The following ATG2B variants were observed in gnomAD, a reference collection of about 807,000 sequenced individuals.
ATG2B encodes autophagy-related protein 2 homolog B.
Under a neutral mutation model 241.3 loss-of-function variants are expected in ATG2B, and 121 were observed. The ratio of observed to expected loss-of-function variants is 0.50; its 90% confidence interval spans 0.43 to 0.58. ATG2B has a LOEUF of 0.58. Among genes scored for constraint, ATG2B ranks in the 20% least tolerant of loss-of-function variants. The pLI, the probability that ATG2B is intolerant of heterozygous loss-of-function variation, is 0.00. For missense variants in ATG2B, 2,306 were observed against 2,491.6 expected, an observed-to-expected ratio of 0.93 and a Z score of 1.59; for synonymous variants, 858 against 876.6, an observed-to-expected ratio of 0.98 and a Z score of 0.37.
chr14:96,332,252 G>T, intron 10 of ATG2B, 53 bp downstream of exon 10: 1 of 1,391,998 alleles, frequency 7.2e-7, no homozygotes, highest in Non-Finnish European at 1.0e-6. Flanking sequence ...CAGTAGAATG[G>T]CATTTTAAAA....
At chr14:96,320,453 C>T (rs79986740) in intron 18 of ATG2B, among the ~76,000 whole-genome samples, 1,707 of 151,148 alleles carry the variant, frequency 0.011, 31 homozygotes, top group African/African-American at 0.039. Context: ...GAACTAAAAA[C>T]GGTAGACAAT....
chr14:96,322,622 T>TGA lies in ATG2B; in HGVS notation c.2652_2653dup (p.His885LeufsTer4), dbSNP rs1224168522. On this transcript the variant is annotated frameshift_variant, in exon 17 of 42. Transcript: ENST00000359933. LOFTEE classifies it high-confidence loss of function. ...TAGATCACAAACATCTTTCAAGGAA[T>TGA]GAGCACCTCCTTCCTCTTCCTCCTG... The TGA allele has an allele frequency of 6.2e-7, 1 of 1,613,534 alleles. No homozygotes were observed. The highest frequency in any genetic ancestry group is 1.1e-5 in the South Asian group (1 of 91,066).
intron 34 of ATG2B, among the ~76,000 whole-genome samples, chr14:96,296,197 A>C (rs928321196): frequency 2.0e-5 from 3 of 152,210 alleles, no homozygotes; most frequent in African/African-American, 7.2e-5. Flanking sequence ...AAATGACTTA[A>C]CTTCTGCTTT....
chr14:96,291,004 T>A, intron 38 of ATG2B, 69 bp from the exon 39 acceptor site: 1 of 1,361,010 alleles, frequency 7.3e-7, no homozygotes, highest in African/African-American at 1.5e-5. Context: ...GTTTGAGGGT[T>A]TTTTTTTACT....
chr14:96,348,846 T>C (rs1888239809), intron 1 of ATG2B, among the ~76,000 whole-genome samples: 1 of 152,172 alleles, frequency 6.6e-6, no homozygotes, highest in African/African-American at 2.4e-5. Context: ...TTATTAGGCA[T>C]TGTATGCCTG....
At chr14:96,343,875 CTG>C (rs1281519338) in intron 4 of ATG2B, among the ~76,000 whole-genome samples, 1 of 152,198 alleles carries the variant, frequency 6.6e-6, no homozygotes, top group Non-Finnish European at 1.5e-5. Flanking sequence ...CTAACAATAA[CTG>C]TTTTACTAAT....
chr14:96,280,933 T>A lies in ATG2B; in HGVS notation c.*4822A>T, dbSNP rs550907051. ...TAAGTATGTCTTTTAAATATTCCCTTCATAAGTAAAAATACTCCTCCAAAT... is the reference window on the plus strand; with the variant it reads ...TAAGTATGTCTTTTAAATATTCCCTACATAAGTAAAAATACTCCTCCAAAT... On this transcript the variant is annotated 3_prime_UTR_variant, in exon 42 of 42. Transcript: ENST00000359933. 3 of 152,266 alleles carry A rather than the reference T, an allele frequency of 2.0e-5. No homozygotes were observed. The highest frequency in any genetic ancestry group is 7.2e-5 in the African/African-American group (3 of 41,536). The allele number at this position is 152,266 out of a possible 1,614,324, so 9.4% of individuals were successfully genotyped here. A position where few individuals can be genotyped will look rare whatever the true frequency, so the allele number is the denominator to read the frequency against.
chr14:96,318,801 TCTAGTAAACCCATCGTAAGATC>T, intron 18 of ATG2B, among the ~76,000 whole-genome samples: 1 of 152,240 alleles, frequency 6.6e-6, no homozygotes, highest in East Asian at 1.9e-4. Flanking sequence ...CACCACGTCT[TCTAGTAAACCCATCGTAAGATC>T]TGGACCCACA....
chr14:96,312,406 T>G (rs999239040), intron 25 of ATG2B, among the ~76,000 whole-genome samples: 10 of 152,180 alleles, frequency 6.6e-5, no homozygotes, highest in Admixed American at 2.0e-4. Context: ...TTTGGCAGTT[T>G]TTAAAGAGAT....
At chr14:96,342,305 A>G (rs1888058466) in intron 5 of ATG2B, among the ~76,000 whole-genome samples, 1 of 152,208 alleles carries the variant, frequency 6.6e-6, no homozygotes, top group African/African-American at 2.4e-5. Flanking sequence ...TGACACTCCC[A>G]CAAGGTCAGG....
Position 96,322,145 on chromosome 14 carries a change from G to T in ATG2B, c.2846C>A (p.Pro949His). The T allele has an allele frequency of 6.4e-7, 1 of 1,562,814 alleles. No homozygotes were observed. Among genetic ancestry groups the T allele is most frequent in the South Asian group, 1.2e-5 (1 of 82,176 alleles). ...AAGCTTCTCATAAAAGCTCTTATTAGGTAGTGTTACATAAATATTTGGTAA... is the reference window on the plus strand; with the variant it reads ...AAGCTTCTCATAAAAGCTCTTATTATGTAGTGTTACATAAATATTTGGTAA... ...LTLPNIYVTL[P>H]NKSFYEKLYN... is the part of the protein sequence containing the mutation. Residue 949 changes from proline to histidine, a missense_variant, in exon 18 of 42, where the codon CCT becomes CAT. Around this residue, in one of 2 missense-constraint regions of ATG2B, gnomAD observed 1,927 missense variants for 2,011.2 expected, o/e 0.96. Transcript: ENST00000359933.
rs566513640 is a variant in ATG2B, at chr14:96,326,667, TTCAA to T, written c.2164-749_2164-746del. 3.2e-4 allele frequency among the ~76,000 whole-genome samples: 49 copies of T among 152,352 alleles called. No homozygotes were observed. In the South Asian group the frequency reaches 8.7e-3, roughly 27 times the overall value. On this transcript the variant is annotated intron_variant, in intron 14 of 41. Transcript: ENST00000359933. ...CTACGTTGTAACACTCCTCAGTTTC[TTCAA>T]TCAATTTCTAACCTCCATGATTTGA...
At chr14:96,328,138 C>G (rs1373336442) in intron 14 of ATG2B, among the ~76,000 whole-genome samples, 1 of 152,146 alleles carries the variant, frequency 6.6e-6, no homozygotes, top group Admixed American at 6.5e-5. Flanking sequence ...TAAATGACCA[C>G]ATAACATTTC....
intron 1 of ATG2B, among the ~76,000 whole-genome samples, chr14:96,355,141 A>G (rs1888440927): frequency 6.6e-6 from 1 of 152,116 alleles, no homozygotes; most frequent in South Asian, 2.1e-4. Flanking sequence ...CTCTTTAATT[A>G]GATAACCATT....
At chr14:96,309,425 TG>T (rs1190814785) in intron 29 of ATG2B, 27 bp downstream of exon 29, 1 of 1,592,272 alleles carries the variant, frequency 6.3e-7, no homozygotes, top group African/African-American at 1.4e-5. Flanking sequence ...TTAACATCAG[TG>T]CTCCCTGAGA....
chr14:96,343,353 A>G (rs1298791255), intron 4 of ATG2B, 72 bp from the exon 5 acceptor site: 2 of 983,686 alleles, frequency 2.0e-6, no homozygotes, highest in East Asian at 2.6e-5. Context: ...ACATGTATAC[A>G]TATGTAACTA....
intron 5 of ATG2B, among the ~76,000 whole-genome samples, chr14:96,342,732 AAC>A (rs979109539): frequency 4.6e-5 from 7 of 151,792 alleles, no homozygotes; most frequent in Non-Finnish European, 1.0e-4. Flanking sequence ...AAAAAAAAAA[AAC>A]AAACATAAAT....
intron 28 of ATG2B, among the ~76,000 whole-genome samples, chr14:96,310,346 C>T (rs549763519): frequency 1.3e-5 from 2 of 152,120 alleles, no homozygotes; most frequent in South Asian, 2.1e-4. Flanking sequence ...ACAACAAACA[C>T]GATGCCAGTC....
chr14:96,341,333 G>A (rs568406731), intron 6 of ATG2B, among the ~76,000 whole-genome samples, 189 bp downstream of exon 6: 1 of 152,278 alleles, frequency 6.6e-6, no homozygotes, highest in South Asian at 2.1e-4. Flanking sequence ...GTAGGGCAAA[G>A]GCAGTCCTCA....
Sources: allele counts gnomAD v4.1 joint callset (sites outside exome capture counted in the v4.1 genomes callset), GRCh38; gene constraint gnomAD v4.1.1; regional missense constraint gnomAD v4.1.1; transcripts MANE v1.5; gene names NCBI Gene and HGNC (gene_info 2026-07-23, HGNC 2026-07-21).